The following KHDRBS3 variants were observed in gnomAD, a reference collection of about 807,000 sequenced individuals.
KHDRBS3 encodes the protein KH RNA binding domain containing, signal transduction associated 3.
In KHDRBS3, 23 loss-of-function variants were observed where a neutral mutation model predicts 45.6. The observed-to-expected ratio is 0.50, with a 90% CI of 0.36 to 0.72. The LOEUF (loss-of-function observed/expected upper bound fraction) is 0.72. Among genes scored for constraint, KHDRBS3 ranks in the 30% least tolerant of loss-of-function variants. The probability of loss-of-function intolerance (pLI) is 0.00; values close to 1 mark genes in which losing one functional copy is unlikely to be tolerated. For synonymous variants in KHDRBS3, 162 were observed against 156.5 expected, an observed-to-expected ratio of 1.04 and a Z score of -0.26; for missense variants, 352 against 424.8, an observed-to-expected ratio of 0.83 and a Z score of 1.51.
intron 1 of KHDRBS3, among the ~76,000 whole-genome samples, chr8:135,485,854 A>ATATATATATATATATATATATC: frequency 6.9e-6 from 1 of 144,812 alleles, no homozygotes; most frequent in South Asian, 2.1e-4. Context: ...ATATATATAT[A>ATATATATATATATATATATATC]TATATATATA....
intron 1 of KHDRBS3, among the ~76,000 whole-genome samples, chr8:135,511,999 CTGCTT>C (rs768032646): frequency 1.7e-4 from 26 of 152,288 alleles, no homozygotes; most frequent in African/African-American, 6.0e-4. Context: ...TGTCTCTACT[CTGCTT>C]TGCCATTTGT....
intron 2 of KHDRBS3, among the ~76,000 whole-genome samples, chr8:135,525,934 T>C (rs1271417508): frequency 6.6e-6 from 1 of 152,214 alleles, no homozygotes; most frequent in Non-Finnish European, 1.5e-5. Context: ...CAGTCAGTGA[T>C]GGACTGCATA....
intron 1 of KHDRBS3, among the ~76,000 whole-genome samples, chr8:135,468,502 A>G (rs770799565): frequency 1.2e-4 from 19 of 152,212 alleles, no homozygotes; most frequent in Non-Finnish European, 2.8e-4. Flanking sequence ...GTAAAGGCTA[A>G]AGAGTAAATA....
chr8:135,478,026 C>T (rs1051548975), intron 1 of KHDRBS3, among the ~76,000 whole-genome samples: 1 of 152,172 alleles, frequency 6.6e-6, no homozygotes, highest in African/African-American at 2.4e-5. Context: ...GGAGTACAAA[C>T]CCTGCTGTGA....
intron 1 of KHDRBS3, among the ~76,000 whole-genome samples, chr8:135,474,837 AGTCCGC>A (rs2130250486): frequency 6.6e-6 from 1 of 152,306 alleles, no homozygotes; most frequent in Admixed American, 6.5e-5. Context: ...GGAGCTCAGA[AGTCCGC>A]GTGGCTCCCA....
intron 1 of KHDRBS3, among the ~76,000 whole-genome samples, chr8:135,463,151 G>GT: frequency 6.6e-6 from 1 of 152,204 alleles, no homozygotes; most frequent in South Asian, 2.1e-4. Flanking sequence ...TTGGTAAAGA[G>GT]TGAGTTCCTC....
chr8:135,566,596 T>C (rs1339238802), intron 5 of KHDRBS3, among the ~76,000 whole-genome samples: 1 of 152,166 alleles, frequency 6.6e-6, no homozygotes, highest in East Asian at 1.9e-4. Context: ...GACTCAGACC[T>C]GAAATCCCAG....
Position 135,647,056 on chromosome 8 carries a change from A to G in KHDRBS3, c.1013A>G (p.Tyr338Cys). 3 of 1,608,092 alleles carry G rather than the reference A, an allele frequency of 1.9e-6. No individual in the cohort carries two copies. Among genetic ancestry groups the G allele is most frequent in the Non-Finnish European group, 2.6e-6 (3 of 1,174,588 alleles). ...TCAGCGAGGACAGCAAAGGGCGTCT[A>G]CAGAGACCAGCCATATGGCAGATAC... ...APSARTAKGVYRDQPYGRY is the reference protein window; with the variant it reads ...APSARTAKGVCRDQPYGRY Residue 338 changes from tyrosine to cysteine, a missense_variant, in exon 9 of 9, where the codon TAC (tyrosine) becomes TGC (cysteine). Tyr to Cys is a radical substitution (Grantham distance 194, BLOSUM62 -2). Transcript: ENST00000355849.
chr8:135,508,344 C>T (rs57208324), intron 1 of KHDRBS3, among the ~76,000 whole-genome samples: 3,281 of 152,116 alleles, frequency 0.022, 123 homozygotes, highest in African/African-American at 0.075. Flanking sequence ...ATAATGCCAG[C>T]GGGATAAATG....
chr8:135,458,956 G>T (rs1342485514), intron 1 of KHDRBS3: 2 of 456,114 alleles, frequency 4.4e-6, no homozygotes, highest in Non-Finnish European at 8.8e-6. Flanking sequence ...ACTTTTCCTG[G>T]AATATGTGTT....
chr8:135,481,879 A>G (rs552485302), intron 1 of KHDRBS3, among the ~76,000 whole-genome samples: 8 of 152,256 alleles, frequency 5.3e-5, no homozygotes, highest in African/African-American at 1.9e-4. Context: ...AGTAGAAAGC[A>G]TTTATTTGGC....
At chr8:135,588,858 A>G (rs1201404331) in intron 6 of KHDRBS3, among the ~76,000 whole-genome samples, 2 of 152,294 alleles carry the variant, frequency 1.3e-5, no homozygotes, top group East Asian at 3.9e-4. Flanking sequence ...TGAATGCCCT[A>G]TAAGCACTTT....
At chr8:135,621,432 C>T (rs1183671801) in intron 7 of KHDRBS3, among the ~76,000 whole-genome samples, 2 of 152,146 alleles carry the variant, frequency 1.3e-5, no homozygotes, top group South Asian at 2.1e-4. Flanking sequence ...ACTATTGAAA[C>T]CTTCAGTGAG....
chr8:135,467,094 C>T (rs1448613156), intron 1 of KHDRBS3, among the ~76,000 whole-genome samples: 1 of 151,996 alleles, frequency 6.6e-6, no homozygotes, highest in Non-Finnish European at 1.5e-5. Flanking sequence ...TCTCATGTAC[C>T]CCATAAACAT....
chr8:135,577,107 G>T (rs920746822), intron 5 of KHDRBS3, among the ~76,000 whole-genome samples: 12 of 149,420 alleles, frequency 8.0e-5, no homozygotes, highest in East Asian at 3.9e-4. Context: ...CTTATTTACG[G>T]TTTTTTTTTT....
intron 1 of KHDRBS3, among the ~76,000 whole-genome samples, chr8:135,478,726 A>G (rs1822419302): frequency 6.6e-6 from 1 of 152,252 alleles, no homozygotes; most frequent in South Asian, 2.1e-4. Context: ...CAAAATAACC[A>G]GTGAGCCAAA....
intron 1 of KHDRBS3, among the ~76,000 whole-genome samples, chr8:135,463,223 G>T (rs1003227514): frequency 6.6e-6 from 1 of 152,112 alleles, no homozygotes; most frequent in Non-Finnish European, 1.5e-5. Context: ...TGAGCACAGG[G>T]CCCTTGGGAA....
intron 5 of KHDRBS3, among the ~76,000 whole-genome samples, chr8:135,567,612 A>G (rs968098164): frequency 1.3e-5 from 2 of 152,204 alleles, no homozygotes; most frequent in Non-Finnish European, 2.9e-5. Flanking sequence ...GGGTCCAAGC[A>G]TGGTGTTGAA....
downstream of KHDRBS3, among the ~76,000 whole-genome samples, chr8:135,649,082 A>G (rs1831377722): frequency 6.6e-6 from 1 of 152,196 alleles, no homozygotes; most frequent in Non-Finnish European, 1.5e-5. Context: ...AACAAATGAT[A>G]AGTATTATAA....
Sources: gnomAD v4.1 joint callset for allele counts (sites outside exome capture counted in the v4.1 genomes callset) on GRCh38, gnomAD v4.1.1 for gene constraint, MANE v1.5 for transcripts, NCBI Gene and HGNC (gene_info 2026-07-23, HGNC 2026-07-21) for gene names.